Variants in ANLN observed in about 807,000 individuals in gnomAD.
The protein encoded by ANLN is anillin, actin binding protein, also known as anillin.
In ANLN, 59 loss-of-function variants were observed where a neutral mutation model predicts 135.1. The ratio of observed to expected loss-of-function variants is 0.44; its 90% CI spans 0.35 to 0.54. ANLN has a LOEUF of 0.54. ANLN is among the 20% of genes least tolerant of loss of function. The pLI, the probability that ANLN is intolerant of heterozygous loss-of-function variation, is 0.00. For synonymous variants in ANLN, 406 were observed against 456.4 expected (o/e 0.89, Z 1.41); for missense variants, 1,182 against 1,340.0 (o/e 0.88, Z 1.84).
chr7:36,409,584 G>A lies in ANLN; in HGVS notation c.1097-930G>A, dbSNP rs1787326229. ...ATACAACCTTAGAATCCTCTTAATGGGAGTGATATAGGCCCAATTTGCCCT... is the reference window on the plus strand; with the variant it reads ...ATACAACCTTAGAATCCTCTTAATGAGAGTGATATAGGCCCAATTTGCCCT... On this transcript the variant is annotated intron_variant, in intron 5 of 23. Coordinates refer to ENST00000265748, the MANE Select transcript of ANLN (RefSeq NM_018685.5). Among the ~76,000 whole-genome samples the A allele has an allele frequency of 2.0e-5, 3 of 151,872 alleles. No individual in the cohort carries two copies. The South Asian group carries it at 6.3e-4, about 32-fold the overall frequency.
chr7:36,405,931 A>AACACAT (rs527284787), intron 3 of ANLN, among the ~76,000 whole-genome samples: 1,765 of 152,292 alleles, frequency 0.012, 35 homozygotes, highest in African/African-American at 0.041. Flanking sequence ...AACCTATCTT[A>AACACAT]TTCATGATCC....
chr7:36,399,075 G>GTA lies in ANLN; in HGVS notation c.173-3_173-2dup. On this transcript the variant is annotated splice_region_variant and splice_polypyrimidine_tract_variant and intron_variant, in intron 2 of 23. Coordinates refer to ENST00000265748, the MANE Select transcript of ANLN (RefSeq NM_018685.5). ...AATGTCTTTTTTCATCGTTTTTAATGTAGAGAAATCTTGTACAAAACCATC... is the reference window on the plus strand; with the variant it reads ...AATGTCTTTTTTCATCGTTTTTAATGTATAGAGAAATCTTGTACAAAACCATC... 6.3e-7 allele frequency: 1 copy of GTA among 1,585,724 alleles called. No individual in the cohort carries two copies. The highest frequency in any genetic ancestry group is 8.6e-7 in the Non-Finnish European group (1 of 1,165,290).
chr7:36,436,838 C>G (rs1390900076), intron 20 of ANLN, among the ~76,000 whole-genome samples: 1 of 152,068 alleles, frequency 6.6e-6, no homozygotes, highest in Non-Finnish European at 1.5e-5. Context: ...GTTGGGTTGT[C>G]TTTTTGTTAC....
At chr7:36,402,370 C>T (rs910147231) in intron 3 of ANLN, among the ~76,000 whole-genome samples, 29 of 151,964 alleles carry the variant, frequency 1.9e-4, no homozygotes, top group African/African-American at 6.8e-4. Context: ...GCCTCGGCCT[C>T]CCAAAATACT....
At chr7:36,414,304 G>A (rs1205324011) in intron 7 of ANLN, among the ~76,000 whole-genome samples, 1 of 152,172 alleles carries the variant, frequency 6.6e-6, no homozygotes, top group Non-Finnish European at 1.5e-5. Context: ...ATTTGTATGT[G>A]TTTTGTCCTT....
chr7:36,407,461 T>A (rs1243910068), intron 4 of ANLN, among the ~76,000 whole-genome samples: 5 of 152,112 alleles, frequency 3.3e-5, no homozygotes, highest in Non-Finnish European at 4.4e-5. Context: ...ACTTTTTTTT[T>A]AAATAAAGAG....
In ANLN at chr7:36,399,407, A is replaced by C; in HGVS notation, c.487+14A>C. On this transcript the variant is annotated intron_variant, in intron 3 of 23. Coordinates refer to ENST00000265748, the MANE Select transcript of ANLN (RefSeq NM_018685.5). ...ATGATATGACAGGTATGAATTGTATAGATGGTATGGCCCATACATCTGTTC... is the reference window on the plus strand; with the variant it reads ...ATGATATGACAGGTATGAATTGTATCGATGGTATGGCCCATACATCTGTTC... 6.3e-7 allele frequency: 1 copy of C among 1,580,380 alleles called. No individual in the cohort carries two copies.
intron 21 of ANLN, among the ~76,000 whole-genome samples, chr7:36,440,585 G>A (rs1230739375): frequency 6.6e-6 from 1 of 152,114 alleles, no homozygotes; most frequent in Non-Finnish European, 1.5e-5. Context: ...TTGTTAAGAT[G>A]GGAGAGACGT....
chr7:36,444,830 G>T (rs1465009989), intron 22 of ANLN, among the ~76,000 whole-genome samples: 1 of 151,848 alleles, frequency 6.6e-6, no homozygotes, highest in Non-Finnish European at 1.5e-5. Flanking sequence ...TTTTTTACTT[G>T]ATAAAATATT....
At chr7:36,397,137 C>A (rs568716473) in intron 2 of ANLN, among the ~76,000 whole-genome samples, 3 of 145,898 alleles carry the variant, frequency 2.1e-5, no homozygotes, top group African/African-American at 7.3e-5. Context: ...TTACAGAGGG[C>A]AAAACCAATG....
At position 36,419,228 on chromosome 7, in the gene ANLN, T is replaced by C; in HGVS notation, c.1634-16T>C. 3.2e-6 allele frequency: 5 copies of C among 1,574,476 alleles called. No individual in the cohort carries two copies. Among genetic ancestry groups the C allele is most frequent in the Non-Finnish European group, 3.5e-6 (4 of 1,144,478 alleles). ...ATATCTGAGTCACAGTGTCCACCTA[T>C]TGAAATATTTTTCAGAAGTGATACG... On this transcript the variant is annotated splice_polypyrimidine_tract_variant and intron_variant, in intron 9 of 23. Coordinates refer to ENST00000265748, the MANE Select transcript of ANLN (RefSeq NM_018685.5).
At chr7:36,413,153 A>G (rs559347946) in intron 7 of ANLN, among the ~76,000 whole-genome samples, 198 of 152,096 alleles carry the variant, frequency 1.3e-3, no homozygotes, top group Middle Eastern at 6.8e-3. Context: ...GATCCTTCCC[A>G]TCAGCATATA....
In ANLN at chr7:36,420,213, A is replaced by G; in HGVS notation, c.1914A>G (p.Arg638=). ...GACTGGAATTGAAAGACACCAGCAG[A>G]AGTGATGAAAGTCCAAAACCAGGAA... ...TPRLELKDTS[R]SDESPKPGKF... The change falls in exon 11 of 24, where the codon AGA becomes AGG. Residue 638 remains arginine (R), a synonymous_variant. Transcript: ENST00000265748. The G allele has an allele frequency of 6.2e-7, 1 of 1,614,052 alleles. No individual in the cohort carries two copies. The highest frequency in any genetic ancestry group is 1.7e-5 in the Admixed American group (1 of 60,014).
intron 22 of ANLN, among the ~76,000 whole-genome samples, chr7:36,445,903 C>G (rs140273117): frequency 6.6e-6 from 1 of 152,290 alleles, no homozygotes; most frequent in East Asian, 1.9e-4. Context: ...TTTTAAACTT[C>G]CATCAGTATG....
At chr7:36,447,880 G>A (rs1789079504) in intron 22 of ANLN, among the ~76,000 whole-genome samples, 1 of 152,086 alleles carries the variant, frequency 6.6e-6, no homozygotes, top group Admixed American at 6.6e-5. Context: ...TGAAGCTATG[G>A]AAAGTGAAAC....
chr7:36,447,414 G>GAT (rs1789050204), intron 22 of ANLN, among the ~76,000 whole-genome samples: 1 of 133,306 alleles, frequency 7.5e-6, no homozygotes, highest in Non-Finnish European at 1.6e-5. Context: ...TACAGCAGTT[G>GAT]ATCTTTTTTT....
chr7:36,439,377 AT>A (rs1788672629), intron 21 of ANLN, 87 bp downstream of exon 21: 1 of 775,872 alleles, frequency 1.3e-6, no homozygotes, highest in Non-Finnish European at 2.1e-6. Context: ...ATCCTTTGTG[AT>A]TAAGTAATAA....
chr7:36,452,644 TAAG>T lies in ANLN; in HGVS notation c.*47_*49del. The T allele has an allele frequency of 6.2e-7, 1 of 1,604,804 alleles. No homozygotes were observed. Among genetic ancestry groups the T allele is most frequent in the Non-Finnish European group, 8.5e-7 (1 of 1,173,964 alleles). Reference sequence around the variant, plus strand: ...TATCTAGAGGTTTTTGATGTCATCTTAAGAAACACACTTAAGAGCATCAGATTT... The same window carrying T: ...TATCTAGAGGTTTTTGATGTCATCTTAAACACACTTAAGAGCATCAGATTT... On this transcript the variant is annotated 3_prime_UTR_variant, in exon 24 of 24. Transcript: ENST00000265748.
rs527598295 is a variant in ANLN at position 36,419,351 on chromosome 7, G to C, written c.1741G>C (p.Glu581Gln). ...CCTAGAGGAAGGTGAACTAGATATG[G>C]AGAAGAGCCAAGAGGAGATGGATCA... The part of the protein sequence containing the change: ...DVLEEGELDM[E>Q]KSQEEMDQAL... The change falls in exon 10 of 24, where the codon GAG becomes CAG. Residue 581 changes from glutamate to glutamine, a missense_variant. Coordinates refer to ENST00000265748, the MANE Select transcript of ANLN (RefSeq NM_018685.5). 4.3e-6 allele frequency: 7 copies of C among 1,614,090 alleles called. No homozygotes were observed. The East Asian group carries it at 1.6e-4, about 36-fold the overall frequency.
Sources: allele counts gnomAD v4.1 joint callset (sites outside exome capture counted in the v4.1 genomes callset), GRCh38; gene constraint gnomAD v4.1.1; transcripts MANE v1.5; gene names NCBI Gene and HGNC (gene_info 2026-07-23, HGNC 2026-07-21).